Variants in SYNRG observed in about 807,000 individuals in gnomAD.
The protein encoded by SYNRG is synergin gamma.
In SYNRG, 37 loss-of-function variants were observed where a neutral mutation model predicts 130.9. That is an observed-to-expected ratio of 0.28 (90% CI 0.22 to 0.37). The LOEUF (loss-of-function observed/expected upper bound fraction) is 0.37, where lower values mean the gene tolerates loss of function less well. SYNRG is among the 10% of genes least tolerant of loss of function. The pLI is 1.00. For missense variants in SYNRG, 1,338 were observed against 1,588.9 expected, an observed-to-expected ratio of 0.84 and a Z score of 2.68; for synonymous variants, 539 against 568.1, an observed-to-expected ratio of 0.95 and a Z score of 0.73.
Position 37,539,518 on chromosome 17 carries a change from G to A in SYNRG, c.3367-273C>T, listed in dbSNP as rs375951437. On this transcript the variant is annotated intron_variant, in intron 16 of 21. Transcript: ENST00000612223. ...CCAGAGCAGCTGGGACTACAGGCACGCACCACCACATGAGGCTAATTTTTG... is the reference window on the plus strand; with the variant it reads ...CCAGAGCAGCTGGGACTACAGGCACACACCACCACATGAGGCTAATTTTTG... Among the ~76,000 whole-genome samples, 7 of 152,030 alleles carry A rather than the reference G, an allele frequency of 4.6e-5. No homozygotes were observed. The East Asian group carries it at 7.7e-4, about 17-fold the overall frequency.
intron 6 of SYNRG, among the ~76,000 whole-genome samples, chr17:37,581,639 T>G (rs2061347300): frequency 7.3e-6 from 1 of 137,134 alleles, no homozygotes. Context: ...CAGGCTGGAG[T>G]GCAGTGGCAC....
chr17:37,597,385 G>A (rs527489814), intron 2 of SYNRG, among the ~76,000 whole-genome samples: 46 of 152,300 alleles, frequency 3.0e-4, no homozygotes, highest in African/African-American at 1.1e-3. Context: ...ACTTTTTAAA[G>A]TTTGGGATAA....
chr17:37,559,959 A>G (rs2059403443), intron 13 of SYNRG, among the ~76,000 whole-genome samples: 1 of 152,188 alleles, frequency 6.6e-6, no homozygotes, highest in South Asian at 2.1e-4. Flanking sequence ...GTACAGTGGC[A>G]CAATCATGGC....
chr17:37,565,924 C>T (rs2059933185), intron 11 of SYNRG, among the ~76,000 whole-genome samples: 1 of 146,786 alleles, frequency 6.8e-6, no homozygotes, highest in Non-Finnish European at 1.5e-5. Context: ...GGGGGGTCAG[C>T]CCCCTGCCCG....
chr17:37,584,968 TAA>T (rs2061587267), intron 5 of SYNRG, among the ~76,000 whole-genome samples: 1 of 152,240 alleles, frequency 6.6e-6, no homozygotes, highest in South Asian at 2.1e-4. Flanking sequence ...GGCCAATGTA[TAA>T]ATACTTTAGG....
intron 19 of SYNRG, among the ~76,000 whole-genome samples, chr17:37,535,060 A>AT (rs2057058255): frequency 6.6e-6 from 1 of 152,206 alleles, no homozygotes; most frequent in South Asian, 2.1e-4. Flanking sequence ...AAGGGACAGT[A>AT]ATAGAGGAGG....
chr17:37,570,149 T>C (rs2145966773), intron 10 of SYNRG, among the ~76,000 whole-genome samples: 1 of 150,442 alleles, frequency 6.6e-6, no homozygotes, highest in African/African-American at 2.4e-5. Context: ...GAGGCTTTTT[T>C]TTTTTTTTTT....
intron 11 of SYNRG, among the ~76,000 whole-genome samples, chr17:37,563,397 T>C (rs2059688725): frequency 6.6e-6 from 1 of 152,262 alleles, no homozygotes; most frequent in Non-Finnish European, 1.5e-5. Flanking sequence ...AATCACTCCA[T>C]ATGACTGTGG....
Position 37,515,790 on chromosome 17 carries a change from A to G in SYNRG, c.*3150T>C, listed in dbSNP as rs1452130810. On this transcript the variant is annotated 3_prime_UTR_variant, in exon 22 of 22. Transcript: ENST00000612223. ...GAATTTTTGTAGTGGTCCCCAGTAC[A>G]GGGCCAGCATTTCCTATTTCTGTAA... The G allele has an allele frequency of 6.6e-6, 1 of 152,226 alleles. No individual in the cohort carries two copies. The highest frequency in any genetic ancestry group is 1.5e-5 in the Non-Finnish European group (1 of 68,050). The allele number at this position is 152,226 out of a possible 1,614,324, so 9.4% of individuals were successfully genotyped here. A position where few individuals can be genotyped will look rare whatever the true frequency, so the allele number is the denominator to read the frequency against.
Position 37,605,822 on chromosome 17 carries a change from C to T in SYNRG, c.77+3457G>A, listed in dbSNP as rs2063701490. On this transcript the variant is annotated intron_variant, in intron 1 of 21. Transcript: ENST00000612223. ...ATGAAAGCAGAGCTCTGTCACTTACCTATCTCATCCGTCCCTCCTTTTCAG... is the reference window on the plus strand; with the variant it reads ...ATGAAAGCAGAGCTCTGTCACTTACTTATCTCATCCGTCCCTCCTTTTCAG... 3.0e-6 allele frequency: 3 copies of T among 985,298 alleles called. No homozygotes were observed. In the South Asian group the frequency reaches 1.4e-4, roughly 46 times the overall value. The allele number at this position is 985,298 out of a possible 1,614,324, so 61.0% of individuals were successfully genotyped here.
Position 37,609,342 on chromosome 17 carries a change from G to C in SYNRG, c.14C>G (p.Pro5Arg). The C allele has an allele frequency of 6.8e-7, 1 of 1,460,700 alleles. No homozygotes were observed. The highest frequency in any genetic ancestry group is 9.0e-7 in the Non-Finnish European group (1 of 1,113,022). 90.5% of individuals were successfully genotyped at this position (1,460,700 alleles called of 1,614,324 possible). A position where few individuals can be genotyped will look rare whatever the true frequency, so the allele number is the denominator to read the frequency against. The change falls in exon 1 of 22, where the codon CCA becomes CGA. Residue 5 changes from proline to arginine, a missense_variant. Pro to Arg is a moderately radical substitution (Grantham distance 103, BLOSUM62 -2). Coordinates refer to ENST00000612223, the MANE Select transcript of SYNRG (RefSeq NM_007247.6). MALR[P>R]GAGSGGGGAA... ...CCCGCCGCCACCAGAACCAGCTCCT[G>C]GCCGCAGCGCCATCTTGCTCCCGAC...
At chr17:37,563,171 C>T (rs1412196323) in intron 11 of SYNRG, among the ~76,000 whole-genome samples, 1 of 152,152 alleles carries the variant, frequency 6.6e-6, no homozygotes, top group African/African-American at 2.4e-5. Flanking sequence ...CTGTAATCAC[C>T]ATGAAAGTGT....
At chr17:37,609,075 GC>G (rs1350846312) in intron 1 of SYNRG, among the ~76,000 whole-genome samples, 1 of 149,228 alleles carries the variant, frequency 6.7e-6, no homozygotes, top group African/African-American at 2.5e-5. Flanking sequence ...GGCGGCCGGC[GC>G]CCCCAACTGA....
chr17:37,538,891 G>A, intron 17 of SYNRG: 1 of 490,368 alleles, frequency 2.0e-6, no homozygotes, highest in Non-Finnish European at 2.6e-6. Context: ...ACCGCACCCA[G>A]CCAAGACAGG....
intron 8 of SYNRG, among the ~76,000 whole-genome samples, chr17:37,575,593 C>T (rs1169036576): frequency 6.6e-6 from 1 of 151,634 alleles, no homozygotes; most frequent in East Asian, 1.9e-4. Flanking sequence ...GTAATCCCAG[C>T]ACTTTGGGAG....
intron 8 of SYNRG, among the ~76,000 whole-genome samples, chr17:37,573,177 G>T (rs2060563489): frequency 6.6e-6 from 1 of 152,140 alleles, no homozygotes; most frequent in African/African-American, 2.4e-5. Context: ...GCTGAGGTGG[G>T]CGGGTCACAA....
rs750660990 is a variant in SYNRG, at chr17:37,570,750, A to G, written c.1234T>C (p.Ser412Pro). ...PTVIPSGPAG[S>P]MPLSLGQPVM... is the part of the protein sequence containing the mutation. ...GGCTGTCCAAGGCTGAGGGGCATGGAGCCCGCAGGACCTGAAGGTATCACA... is the reference window on the plus strand; with the variant it reads ...GGCTGTCCAAGGCTGAGGGGCATGGGGCCCGCAGGACCTGAAGGTATCACA... The change falls in exon 10 of 22, where the codon TCC (serine) becomes CCC (proline). Residue 412 changes from serine to proline, a missense_variant. By Grantham distance (74) the Ser-to-Pro change is moderately conservative (BLOSUM62 -1). Around this residue, in one of 3 missense-constraint regions of SYNRG, gnomAD observed 1,146 missense variants for 1,342.3 expected, o/e 0.85. Transcript: ENST00000612223. 2 of 1,614,198 alleles carry G rather than the reference A, an allele frequency of 1.2e-6. No individual in the cohort carries two copies.
intron 9 of SYNRG, 123 bp from the exon 10 acceptor site, chr17:37,571,008 T>C: frequency 7.7e-7 from 1 of 1,291,454 alleles, no homozygotes; most frequent in Non-Finnish European, 1.1e-6. Flanking sequence ...CTCTCAAAAC[T>C]CATGAATTTG....
chr17:37,559,152 T>C (rs61175330), intron 13 of SYNRG, among the ~76,000 whole-genome samples: 7,022 of 152,246 alleles, frequency 0.046, 565 homozygotes, highest in African/African-American at 0.16. Flanking sequence ...GAATCAAATC[T>C]TATATAATGC....
Sources: gnomAD v4.1 joint callset for allele counts (sites outside exome capture counted in the v4.1 genomes callset) on GRCh38, gnomAD v4.1.1 for gene constraint, gnomAD v4.1.1 regional missense constraint, MANE v1.5 for transcripts, NCBI Gene and HGNC (gene_info 2026-07-23, HGNC 2026-07-21) for gene names.